ZCCHC24: variants seen among roughly 807,000 people sequenced by gnomAD.
ZCCHC24 encodes the protein zinc finger CCHC domain-containing protein 24.
ZCCHC24 carries 10 observed loss-of-function variants against 26.2 expected under a neutral mutation model. That is an observed-to-expected ratio of 0.38 (90% CI 0.24 to 0.65). The LOEUF is 0.65. ZCCHC24 is among the 30% of genes least tolerant of loss of function. The pLI is 0.54. For synonymous variants in ZCCHC24, 144 were observed against 147.1 expected, an observed-to-expected ratio of 0.98 and a Z score of 0.15; for missense variants, 243 against 329.1, an observed-to-expected ratio of 0.74 and a Z score of 2.03.
chr10:79,391,218 T>C (rs539615793), intron 3 of ZCCHC24, among the ~76,000 whole-genome samples: 64 of 152,154 alleles, frequency 4.2e-4, no homozygotes, highest in African/African-American at 1.5e-3. Flanking sequence ...AGGGATCCTT[T>C]AGATTGGGTC....
At chr10:79,387,644 T>C (rs1856417943) in intron 3 of ZCCHC24, among the ~76,000 whole-genome samples, 1 of 147,986 alleles carries the variant, frequency 6.8e-6, no homozygotes, top group African/African-American at 2.5e-5. Flanking sequence ...GGGCAGAACC[T>C]GGACTGCAGA....
intron 3 of ZCCHC24, among the ~76,000 whole-genome samples, chr10:79,393,444 C>T (rs1856504179): frequency 1.3e-5 from 2 of 152,220 alleles, no homozygotes; most frequent in Admixed American, 1.3e-4. Flanking sequence ...CCACATTCCA[C>T]CACCAATCTG....
At chr10:79,416,820 G>C (rs998727942) in intron 2 of ZCCHC24, among the ~76,000 whole-genome samples, 13 of 152,214 alleles carry the variant, frequency 8.5e-5, no homozygotes, top group Admixed American at 4.6e-4. Context: ...GATAAGAAGA[G>C]TGTCCAGCAC....
intron 1 of ZCCHC24, chr10:79,444,007 G>A: frequency 7.2e-7 from 1 of 1,397,178 alleles, no homozygotes; most frequent in Non-Finnish European, 9.4e-7. Flanking sequence ...ACTCAAGGGC[G>A]ACCCTCTGCC....
intron 2 of ZCCHC24, among the ~76,000 whole-genome samples, chr10:79,415,987 C>A (rs1048165770): frequency 1.3e-5 from 2 of 152,190 alleles, no homozygotes; most frequent in Non-Finnish European, 2.9e-5. Flanking sequence ...CAGACTCTGA[C>A]CCAGCAGGAC....
Position 79,432,672 on chromosome 10 carries a change from G to A in ZCCHC24, c.333C>T (p.His111=). ...CGGAGGTGAGGGTCAGGTCTGAGAA[G>A]TGCTCGGTGAGGGAGCTGAGGCCAT... The part of the protein sequence containing the change: ...IADGLSSLTE[H]FSDLTLTSEA... Residue 111 remains histidine (H), a synonymous_variant, in exon 2 of 4, where the codon CAC becomes CAT. Coordinates refer to ENST00000372336, the MANE Select transcript of ZCCHC24 (RefSeq NM_153367.4). 1 of 1,609,588 alleles carries A rather than the reference G, an allele frequency of 6.2e-7. No individual in the cohort carries two copies. Among genetic ancestry groups the A allele is most frequent in the Non-Finnish European group, 8.5e-7 (1 of 1,178,218 alleles).
chr10:79,425,561 G>A (rs759920182), intron 2 of ZCCHC24, among the ~76,000 whole-genome samples: 8 of 152,178 alleles, frequency 5.3e-5, no homozygotes, highest in Admixed American at 1.3e-4. Flanking sequence ...AAAAGCATGC[G>A]CTCTGGAATC....
chr10:79,414,436 A>G (rs73297241), intron 2 of ZCCHC24, among the ~76,000 whole-genome samples: 3,939 of 152,266 alleles, frequency 0.026, 183 homozygotes, highest in African/African-American at 0.089. Context: ...AAGTCACAAA[A>G]CCAGAACACT....
At chr10:79,421,656 C>T (rs1284458428) in intron 2 of ZCCHC24, among the ~76,000 whole-genome samples, 2 of 151,968 alleles carry the variant, frequency 1.3e-5, no homozygotes, top group Admixed American at 6.6e-5. Context: ...AATGGAGTTT[C>T]GCTCTTGTTG....
chr10:79,394,156 A>G, intron 3 of ZCCHC24, 120 bp downstream of exon 3: 1 of 1,363,286 alleles, frequency 7.3e-7, no homozygotes. Flanking sequence ...AGATGAGACA[A>G]GGAAAGAAAG....
At chr10:79,435,375 C>T (rs1023018397) in intron 1 of ZCCHC24, among the ~76,000 whole-genome samples, 1 of 152,340 alleles carries the variant, frequency 6.6e-6, no homozygotes, top group Non-Finnish European at 1.5e-5. Flanking sequence ...CGGCCACAGT[C>T]CCCTGCCCAC....
At chr10:79,437,422 T>C (rs1050672190) in intron 1 of ZCCHC24, among the ~76,000 whole-genome samples, 1 of 152,218 alleles carries the variant, frequency 6.6e-6, no homozygotes, top group African/African-American at 2.4e-5. Flanking sequence ...AGTCCCCTCT[T>C]ACCTGGCAAG....
At chr10:79,413,475 G>T (rs546843526) in intron 2 of ZCCHC24, among the ~76,000 whole-genome samples, 1 of 152,370 alleles carries the variant, frequency 6.6e-6, no homozygotes, top group South Asian at 2.1e-4. Flanking sequence ...GGCAGGGGGA[G>T]CCTCTCCTGG....
intron 1 of ZCCHC24, chr10:79,444,189 C>A: frequency 6.5e-7 from 1 of 1,528,406 alleles, no homozygotes. Context: ...AAAACCCCCA[C>A]AAGGGGAGGA....
chr10:79,386,742 A>G (rs954242743), intron 3 of ZCCHC24, among the ~76,000 whole-genome samples: 1 of 152,148 alleles, frequency 6.6e-6, no homozygotes. Context: ...TCTGAGTCCT[A>G]GGGCACACAG....
intron 2 of ZCCHC24, among the ~76,000 whole-genome samples, chr10:79,425,134 A>AC (rs1857008445): frequency 6.6e-6 from 1 of 151,914 alleles, no homozygotes; most frequent in African/African-American, 2.4e-5. Context: ...CCCACCACAG[A>AC]CCCCTACAGG....
chr10:79,401,269 C>T (rs372843967), intron 2 of ZCCHC24, among the ~76,000 whole-genome samples: 11 of 152,244 alleles, frequency 7.2e-5, no homozygotes, highest in African/African-American at 2.4e-4. Context: ...TGCACAGGGG[C>T]GCAGGCCTGT....
chr10:79,434,896 G>A lies in ZCCHC24; in HGVS notation c.247-2138C>T, dbSNP rs371274762. Among the ~76,000 whole-genome samples, 137 of 150,602 alleles carry A rather than the reference G, an allele frequency of 9.1e-4. 1 individual carries two copies. Among genetic ancestry groups the A allele is most frequent in the Middle Eastern group, 6.8e-3 (2 of 294 alleles). On this transcript the variant is annotated intron_variant, in intron 1 of 3. Transcript: ENST00000372336. ...ATGCCCGTGAAACAACAACGCCCCC[G>A]CCTACTGCAGCCCAATCTGTATTTT...
chr10:79,444,068 A>T (rs779352756), intron 1 of ZCCHC24: 1 of 1,531,966 alleles, frequency 6.5e-7, no homozygotes, highest in South Asian at 1.2e-5. Context: ...TTCCTCCCCA[A>T]CCCATTCAGG....
Sources: gnomAD v4.1 joint callset for allele counts (sites outside exome capture counted in the v4.1 genomes callset) on GRCh38, gnomAD v4.1.1 for gene constraint, MANE v1.5 for transcripts, NCBI Gene and HGNC (gene_info 2026-07-23, HGNC 2026-07-21) for gene names.